The following CADM2 variants were observed in gnomAD, a reference collection of about 807,000 sequenced individuals.
The protein encoded by CADM2 is cell adhesion molecule 2.
CADM2 carries 12 observed loss-of-function variants against 49.8 expected under a neutral mutation model. The ratio of observed to expected loss-of-function variants is 0.24; its 90% confidence interval spans 0.15 to 0.39. The LOEUF (loss-of-function observed/expected upper bound fraction) is 0.39. CADM2 is among the 10% of genes least tolerant of loss of function. The pLI, the probability that CADM2 is intolerant of heterozygous loss-of-function variation, is 1.00. For missense variants in CADM2, 378 were observed against 492.3 expected, an observed-to-expected ratio of 0.77 and a Z score of 2.20; for synonymous variants, 214 against 175.4, an observed-to-expected ratio of 1.22 and a Z score of -1.74.
intron 3 of CADM2, among the ~76,000 whole-genome samples, chr3:85,814,424 A>G (rs1372438263): frequency 6.6e-6 from 1 of 152,156 alleles, no homozygotes; most frequent in Non-Finnish European, 1.5e-5. Flanking sequence ...AGCAGGAAAG[A>G]TCTAAAATTG....
At chr3:85,671,700 G>C (rs2065741700) in intron 1 of CADM2, among the ~76,000 whole-genome samples, 1 of 152,074 alleles carries the variant, frequency 6.6e-6, no homozygotes, top group Non-Finnish European at 1.5e-5. Context: ...CTTTGCACTT[G>C]TTGTTCTCTA....
chr3:85,798,749 T>C (rs1173743731), intron 2 of CADM2, among the ~76,000 whole-genome samples: 2 of 152,166 alleles, frequency 1.3e-5, no homozygotes, highest in East Asian at 1.9e-4. Flanking sequence ...CTTGGCCATA[T>C]GGGCTCTTTT....
At chr3:85,317,129 T>C (rs1383322389) in intron 1 of CADM2, among the ~76,000 whole-genome samples, 1 of 150,866 alleles carries the variant, frequency 6.6e-6, no homozygotes, top group African/African-American at 2.4e-5. Flanking sequence ...GTGTTTGCTT[T>C]TTTTGGGGGG....
chr3:85,877,303 A>C (rs1712016785), intron 3 of CADM2, among the ~76,000 whole-genome samples: 1 of 152,136 alleles, frequency 6.6e-6, no homozygotes, highest in South Asian at 2.1e-4. Context: ...AAATATTTTT[A>C]AATAAAATGT....
At chr3:85,742,312 T>G (rs577231370) in intron 2 of CADM2, among the ~76,000 whole-genome samples, 20 of 152,194 alleles carry the variant, frequency 1.3e-4, no homozygotes, top group Non-Finnish European at 2.4e-4. Flanking sequence ...ATAGATGTTA[T>G]ACATACATGT....
intron 2 of CADM2, among the ~76,000 whole-genome samples, chr3:85,729,936 G>A (rs1390915329): frequency 2.0e-5 from 3 of 151,970 alleles, no homozygotes; most frequent in South Asian, 2.1e-4. Context: ...ATTAGAAACC[G>A]ATATTCTTAT....
In CADM2 at chr3:85,371,695, A is replaced by G. The variant is rs985984969; in HGVS notation, c.62-354827A>G. Among the ~76,000 whole-genome samples the G allele has an allele frequency of 5.1e-4, 72 of 141,714 alleles. 2 individuals are homozygous for G. Among genetic ancestry groups the G allele is most frequent in the Middle Eastern group, 3.6e-3 (1 of 280 alleles). The allele number at this position is 141,714 out of a possible 152,430, so 93.0% of individuals were successfully genotyped here. ...TGTGTGTGTATATATATATATATAT[A>G]TATATATATATATATATATTCACTT... On this transcript the variant is annotated intron_variant, in intron 1 of 9. Coordinates refer to ENST00000383699, the MANE Select transcript of CADM2 (RefSeq NM_001167675.2).
chr3:85,454,210 C>A (rs1176927204), intron 1 of CADM2, among the ~76,000 whole-genome samples: 2 of 151,862 alleles, frequency 1.3e-5, no homozygotes, highest in Non-Finnish European at 2.9e-5. Flanking sequence ...CAAAAATTAG[C>A]CAGGTGTGGT....
chr3:85,692,632 TA>T (rs1433280034), intron 1 of CADM2, among the ~76,000 whole-genome samples: 1 of 152,238 alleles, frequency 6.6e-6, no homozygotes, highest in Non-Finnish European at 1.5e-5. Context: ...TTTGGTCTGC[TA>T]AAATTATCAA....
intron 1 of CADM2, among the ~76,000 whole-genome samples, chr3:85,601,965 A>T (rs1043485906): frequency 6.6e-6 from 1 of 151,820 alleles, no homozygotes; most frequent in African/African-American, 2.4e-5. Flanking sequence ...ATCCAGAAGA[A>T]ATTCAAAGCA....
chr3:85,938,431 C>CA (rs757459517), intron 7 of CADM2, among the ~76,000 whole-genome samples: 1 of 151,752 alleles, frequency 6.6e-6, no homozygotes, highest in Admixed American at 6.6e-5. Context: ...CTATCAACTT[C>CA]AAAAAATGAA....
chr3:85,679,628 C>T (rs2065983568), intron 1 of CADM2, among the ~76,000 whole-genome samples: 1 of 152,118 alleles, frequency 6.6e-6, no homozygotes, highest in South Asian at 2.1e-4. Flanking sequence ...GGAATGGTAA[C>T]ATGTTTGACA....
At chr3:85,959,617 A>G (rs1254977330) in intron 7 of CADM2, among the ~76,000 whole-genome samples, 1 of 151,928 alleles carries the variant, frequency 6.6e-6, no homozygotes, top group Non-Finnish European at 1.5e-5. Flanking sequence ...GTCATGCACC[A>G]TATAACAACA....
chr3:85,800,419 C>A (rs1194246541), intron 2 of CADM2: 2 of 153,714 alleles, frequency 1.3e-5, no homozygotes, highest in African/African-American at 4.9e-5. Context: ...GAGTTCCAGG[C>A]ACTACTGGGA....
intron 2 of CADM2, among the ~76,000 whole-genome samples, chr3:85,738,081 A>C (rs75089258): frequency 0.018 from 2,801 of 152,182 alleles, 34 homozygotes; most frequent in Non-Finnish European, 0.031. Context: ...ATTACCTTAC[A>C]CCTCAGCCAG....
chr3:85,280,309 G>A (rs757145316), intron 1 of CADM2, among the ~76,000 whole-genome samples: 1 of 151,132 alleles, frequency 6.6e-6, no homozygotes, highest in Non-Finnish European at 1.5e-5. Context: ...TGTCATATAC[G>A]GTGTACTTGG....
intron 1 of CADM2, among the ~76,000 whole-genome samples, chr3:85,091,002 T>C (rs996709685): frequency 6.6e-6 from 1 of 152,144 alleles, no homozygotes; most frequent in African/African-American, 2.4e-5. Context: ...CAAATATAAA[T>C]GAATATCACT....
chr3:85,414,023 C>T (rs1162488996), intron 1 of CADM2, among the ~76,000 whole-genome samples: 1 of 152,074 alleles, frequency 6.6e-6, no homozygotes, highest in African/African-American at 2.4e-5. Context: ...TGCCACCACG[C>T]TCAGCTAATT....
At chr3:85,284,126 G>A (rs541914819) in intron 1 of CADM2, among the ~76,000 whole-genome samples, 3 of 152,266 alleles carry the variant, frequency 2.0e-5, no homozygotes, top group African/African-American at 7.2e-5. Context: ...GGAATGAAAT[G>A]TGTAAGTAAA....
Sources: allele counts gnomAD v4.1 joint callset (sites outside exome capture counted in the v4.1 genomes callset), GRCh38; gene constraint gnomAD v4.1.1; transcripts MANE v1.5; gene names NCBI Gene and HGNC (gene_info 2026-07-23, HGNC 2026-07-21).